BBOF1: variants seen among roughly 807,000 people sequenced by gnomAD.
BBOF1 encodes the protein basal body orientation factor 1, also known as basal body-orientation factor 1.
In BBOF1, 62 loss-of-function variants were observed where a neutral mutation model predicts 68.0. The observed-to-expected ratio is 0.91, with a 90% CI of 0.74 to 1.13. The LOEUF is 1.13. Among genes scored for constraint, BBOF1 ranks in the 50% most tolerant of loss-of-function variants. The probability of loss-of-function intolerance (pLI) is 0.00; values close to 1 mark genes in which losing one functional copy is unlikely to be tolerated. For synonymous variants in BBOF1, 208 were observed against 198.8 expected (o/e 1.05, Z -0.39); for missense variants, 534 against 600.1 (o/e 0.89, Z 1.15).
chr14:74,075,442 A>G (rs2060602054), intron 9 of BBOF1, among the ~76,000 whole-genome samples: 1 of 152,044 alleles, frequency 6.6e-6, no homozygotes, highest in African/African-American at 2.4e-5. Context: ...ATATCACTTG[A>G]GTCTAGGAGT....
intron 5 of BBOF1, among the ~76,000 whole-genome samples, chr14:74,044,311 C>T (rs984222450): frequency 1.3e-5 from 2 of 151,810 alleles, no homozygotes; most frequent in Non-Finnish European, 2.9e-5. Context: ...TTACTATCTA[C>T]CTTATTACCC....
chr14:74,048,233 A>C (rs910909120), intron 7 of BBOF1, 159 bp downstream of exon 7: 6 of 597,706 alleles, frequency 1.0e-5, no homozygotes, highest in Non-Finnish European at 1.4e-5. Context: ...TTAAATACTC[A>C]ATCTTATAAT....
At chr14:74,032,487 CTCTT>C (rs2059594721) in intron 3 of BBOF1, among the ~76,000 whole-genome samples, 1 of 137,044 alleles carries the variant, frequency 7.3e-6, no homozygotes, top group African/African-American at 2.8e-5. Context: ...TTACGTTTCT[CTCTT>C]TTTTTTTTTT....
intron 9 of BBOF1, among the ~76,000 whole-genome samples, chr14:74,073,407 T>C (rs976683936): frequency 2.6e-5 from 4 of 151,234 alleles, no homozygotes; most frequent in Non-Finnish European, 5.9e-5. Context: ...GCCCAGACTA[T>C]AGTATATATT....
intron 9 of BBOF1, chr14:74,071,509 A>C: frequency 6.2e-7 from 1 of 1,613,454 alleles, no homozygotes; most frequent in African/African-American, 1.3e-5. Context: ...TGGAACACAG[A>C]AGTCAGGCCA....
At chr14:74,039,732 C>A (rs1412011140) in intron 4 of BBOF1, among the ~76,000 whole-genome samples, 2 of 151,980 alleles carry the variant, frequency 1.3e-5, no homozygotes, top group Non-Finnish European at 2.9e-5. Context: ...GCCACTGTAC[C>A]CAACCTCTAC....
intron 9 of BBOF1, among the ~76,000 whole-genome samples, chr14:74,076,757 C>T (rs1390177757): frequency 1.3e-5 from 2 of 151,994 alleles, no homozygotes; most frequent in African/African-American, 2.4e-5. Context: ...ACCATGTTGG[C>T]CTGGCTGGTC....
chr14:74,041,082 C>G (rs565838317), intron 5 of BBOF1, among the ~76,000 whole-genome samples: 33 of 152,258 alleles, frequency 2.2e-4, no homozygotes, highest in African/African-American at 7.7e-4. Context: ...CTTTGGGAGG[C>G]CGAGGCAGGT....
chr14:74,067,274 G>T (rs1243704345), downstream of BBOF1: 3 of 1,297,360 alleles, frequency 2.3e-6, no homozygotes, highest in Non-Finnish European at 2.2e-6. Flanking sequence ...AGAGGAAATG[G>T]CAAGAATAGA....
intron 1 of BBOF1, among the ~76,000 whole-genome samples, chr14:74,022,089 A>G (rs2059315553): frequency 6.6e-6 from 1 of 152,156 alleles, no homozygotes; most frequent in Admixed American, 6.6e-5. Context: ...CTACAGGAGA[A>G]TCAGGCTAGG....
intron 1 of BBOF1, among the ~76,000 whole-genome samples, chr14:74,022,263 A>G (rs1419668723): frequency 1.3e-5 from 2 of 152,094 alleles, no homozygotes; most frequent in Admixed American, 6.5e-5. Flanking sequence ...AGGTATAAAA[A>G]CTGCCCAAGC....
intron 3 of BBOF1, 93 bp downstream of exon 3, chr14:74,029,342 A>G: frequency 1.3e-6 from 1 of 755,360 alleles, no homozygotes; most frequent in Non-Finnish European, 2.3e-6. Context: ...GTGAGTGAGT[A>G]AGTTCTCTGG....
intron 12 of BBOF1, among the ~76,000 whole-genome samples, chr14:74,081,812 T>C (rs952887115): frequency 5.9e-5 from 9 of 152,318 alleles, no homozygotes; most frequent in Admixed American, 2.6e-4. Context: ...GTGCCTAACA[T>C]AGAAAGAGAT....
intron 2 of BBOF1, among the ~76,000 whole-genome samples, chr14:74,024,492 G>T (rs1327442141): frequency 2.6e-5 from 4 of 152,040 alleles, no homozygotes; most frequent in Non-Finnish European, 5.9e-5. Flanking sequence ...TTGAGACAGG[G>T]TCTCTCTCTA....
At chr14:74,022,010 A>G (rs1041394436) in intron 1 of BBOF1, among the ~76,000 whole-genome samples, 1 of 152,136 alleles carries the variant, frequency 6.6e-6, no homozygotes, top group Non-Finnish European at 1.5e-5. Flanking sequence ...CTGAACAGAG[A>G]TAATGGGTTT....
chr14:74,043,273 A>G (rs7147614), intron 5 of BBOF1, among the ~76,000 whole-genome samples: 81,691 of 151,494 alleles, frequency 0.54, 22,928 homozygotes, highest in East Asian at 0.89. Flanking sequence ...AGAGTCGGCC[A>G]GGCGCGGTGG....
At chr14:74,027,638 C>A (rs1014068753) in intron 2 of BBOF1, among the ~76,000 whole-genome samples, 9 of 152,046 alleles carry the variant, frequency 5.9e-5, no homozygotes, top group Non-Finnish European at 1.2e-4. Flanking sequence ...AGAAAGTGGG[C>A]AGACACAACC....
chr14:74,020,756 G>A (rs189537829), intron 1 of BBOF1, among the ~76,000 whole-genome samples: 1 of 151,992 alleles, frequency 6.6e-6, no homozygotes, highest in Non-Finnish European at 1.5e-5. Context: ...CACCCGCCTC[G>A]GCCTCCCAAA....
At chr14:74,054,678 CTTTTT>C (rs551602396) in intron 8 of BBOF1, among the ~76,000 whole-genome samples, 1 of 119,208 alleles carries the variant, frequency 8.4e-6, no homozygotes. Flanking sequence ...CACCCAGGCT[CTTTTT>C]TTTTTTTTTT....
Sources: allele counts gnomAD v4.1 joint callset (sites outside exome capture counted in the v4.1 genomes callset), GRCh38; gene constraint gnomAD v4.1.1; transcripts MANE v1.5; gene names NCBI Gene and HGNC (gene_info 2026-07-23, HGNC 2026-07-21).